VPS13B: variants seen among roughly 807,000 people sequenced by gnomAD.
The protein encoded by VPS13B is intermembrane lipid transfer protein VPS13B.
A neutral mutation model predicts 426.4 loss-of-function variants in VPS13B; 285 were observed. That is an observed-to-expected ratio of 0.67 (90% CI 0.61 to 0.74). VPS13B has a LOEUF of 0.74. Ranked by LOEUF, VPS13B falls within the 30% of genes least tolerant of loss-of-function variation. The pLI, the probability that VPS13B is intolerant of heterozygous loss-of-function variation, is 0.00. For synonymous variants in VPS13B, 1,676 were observed against 1,676.4 expected (o/e 1.00, Z 0.01); for missense variants, 4,537 against 4,782.6 (o/e 0.95, Z 1.51).
At chr8:99,818,341 C>G in intron 45 of VPS13B, 110 bp from the exon 46 acceptor site, 2 of 1,185,774 alleles carry the variant, frequency 1.7e-6, no homozygotes, top group Non-Finnish European at 2.5e-6. Context: ...GGCTTTTTCC[C>G]TAAACTTTAA....
intron 15 of VPS13B, among the ~76,000 whole-genome samples, chr8:99,161,102 T>C (rs938901748): frequency 1.3e-5 from 2 of 152,212 alleles, no homozygotes; most frequent in Admixed American, 1.3e-4. Context: ...ATATAAAGAT[T>C]ATAAATGTAC....
At chr8:99,688,265 C>T (rs1341464238) in intron 35 of VPS13B, among the ~76,000 whole-genome samples, 1 of 151,322 alleles carries the variant, frequency 6.6e-6, no homozygotes, top group Non-Finnish European at 1.5e-5. Context: ...GGAAATCACT[C>T]TGTGGAGACT....
intron 34 of VPS13B, among the ~76,000 whole-genome samples, chr8:99,653,576 AAG>A (rs1351514029): frequency 6.6e-6 from 1 of 152,136 alleles, no homozygotes; most frequent in African/African-American, 2.4e-5. Context: ...TTTAATAAGA[AAG>A]AGATCAAGGA....
chr8:99,594,927 A>T (rs1348057995), intron 33 of VPS13B, among the ~76,000 whole-genome samples: 1 of 152,008 alleles, frequency 6.6e-6, no homozygotes, highest in African/African-American at 2.4e-5. Context: ...GAAATCAGTT[A>T]GGACTGTTAT....
chr8:99,335,504 AT>A (rs1362086237), intron 19 of VPS13B, among the ~76,000 whole-genome samples: 11 of 152,030 alleles, frequency 7.2e-5, no homozygotes, highest in African/African-American at 2.4e-4. Flanking sequence ...AGTGCTATAA[AT>A]TTGGCCAGGG....
At chr8:99,076,770 A>G (rs1845148104) in intron 3 of VPS13B, among the ~76,000 whole-genome samples, 1 of 152,064 alleles carries the variant, frequency 6.6e-6, no homozygotes, top group Non-Finnish European at 1.5e-5. Flanking sequence ...AGTTATTTAT[A>G]GGCAGCATAC....
chr8:99,795,601 A>C (rs909972340), intron 43 of VPS13B, among the ~76,000 whole-genome samples: 5 of 152,212 alleles, frequency 3.3e-5, no homozygotes, highest in African/African-American at 1.2e-4. Flanking sequence ...CTTGTTAGTC[A>C]AGAATTTGGG....
At chr8:99,614,596 A>G (rs1828000074) in intron 33 of VPS13B, among the ~76,000 whole-genome samples, 2 of 152,112 alleles carry the variant, frequency 1.3e-5, no homozygotes, top group African/African-American at 4.8e-5. Flanking sequence ...AATTATTTTA[A>G]AAGTGTTTCA....
intron 33 of VPS13B, among the ~76,000 whole-genome samples, chr8:99,634,021 T>C (rs1021820896): frequency 1.3e-5 from 2 of 151,974 alleles, no homozygotes; most frequent in Non-Finnish European, 2.9e-5. Context: ...TGAGTTAAAC[T>C]ATATGCAAAG....
chr8:99,282,952 T>G, intron 19 of VPS13B, among the ~76,000 whole-genome samples: 1 of 152,184 alleles, frequency 6.6e-6, no homozygotes, highest in Admixed American at 6.5e-5. Flanking sequence ...CAATTACAAC[T>G]CTAATCTCTG....
At chr8:99,733,373 G>T (rs1343372988) in intron 39 of VPS13B, among the ~76,000 whole-genome samples, 2 of 152,202 alleles carry the variant, frequency 1.3e-5, no homozygotes, top group African/African-American at 4.8e-5. Flanking sequence ...TCTCGGGCAA[G>T]TTATGTAAAG....
intron 13 of VPS13B, among the ~76,000 whole-genome samples, chr8:99,147,493 T>C (rs1243162128): frequency 6.6e-6 from 1 of 152,156 alleles, no homozygotes; most frequent in Non-Finnish European, 1.5e-5. Flanking sequence ...CCCCTCCCCA[T>C]CTATCTGTAG....
At chr8:99,499,100 G>A (rs889966650) in intron 25 of VPS13B, among the ~76,000 whole-genome samples, 8 of 152,164 alleles carry the variant, frequency 5.3e-5, no homozygotes, top group Admixed American at 3.3e-4. Flanking sequence ...TTAGCATTTG[G>A]TCAATTTGCA....
At chr8:99,257,735 CTA>C (rs1298663262) in intron 17 of VPS13B, among the ~76,000 whole-genome samples, 2 of 150,550 alleles carry the variant, frequency 1.3e-5, no homozygotes, top group Non-Finnish European at 3.0e-5. Context: ...AAAATAGACT[CTA>C]TGTTTCCTGT....
chr8:99,774,098 TTTAAG>T (rs1811635257), intron 40 of VPS13B, among the ~76,000 whole-genome samples: 1 of 152,200 alleles, frequency 6.6e-6, no homozygotes, highest in South Asian at 2.1e-4. Flanking sequence ...ATAATGGTGA[TTTAAG>T]TTAAGAATAT....
intron 34 of VPS13B, among the ~76,000 whole-genome samples, chr8:99,650,069 G>A (rs1271424714): frequency 6.6e-6 from 1 of 152,132 alleles, no homozygotes; most frequent in East Asian, 1.9e-4. Flanking sequence ...GTCTGGGCTG[G>A]CACCAGAAAT....
intron 17 of VPS13B, chr8:99,233,932 T>G: frequency 1.3e-6 from 1 of 792,016 alleles, no homozygotes. Flanking sequence ...CAAGCTTCTC[T>G]GCAGCTCCAG....
At chr8:99,035,964 CTTCAA>C (rs1842726224) in intron 2 of VPS13B, among the ~76,000 whole-genome samples, 1 of 152,016 alleles carries the variant, frequency 6.6e-6, no homozygotes, top group South Asian at 2.1e-4. Context: ...GTGGACATGG[CTTCAA>C]TTCCTTTGTC....
intron 30 of VPS13B, among the ~76,000 whole-genome samples, chr8:99,545,521 C>T (rs1823922151): frequency 6.6e-6 from 1 of 152,108 alleles, no homozygotes; most frequent in South Asian, 2.1e-4. Flanking sequence ...GAGACATATA[C>T]AGCTGGTAGC....
Sources: gnomAD v4.1 joint callset for allele counts (sites outside exome capture counted in the v4.1 genomes callset) on GRCh38, gnomAD v4.1.1 for gene constraint, MANE v1.5 for transcripts, NCBI Gene and HGNC (gene_info 2026-07-23, HGNC 2026-07-21) for gene names.